SYNE1: variants seen among roughly 807,000 people sequenced by gnomAD.
SYNE1 encodes the protein nesprin-1.
In SYNE1, 616 loss-of-function variants were observed where a neutral mutation model predicts 1,111.0. That is an observed-to-expected ratio of 0.55 (90% CI 0.52 to 0.59). The LOEUF is 0.59. Ranked by LOEUF, SYNE1 falls within the 20% of genes least tolerant of loss-of-function variation. SYNE1 has a pLI of 0.00. For synonymous variants in SYNE1, 3,855 were observed against 3,825.8 expected, an observed-to-expected ratio of 1.01 and a Z score of -0.28; for missense variants, 10,006 against 10,417.0, an observed-to-expected ratio of 0.96 and a Z score of 1.72.
intron 62 of SYNE1, chr6:152,366,847 T>C (rs2097090616): frequency 8.0e-6 from 3 of 376,842 alleles, no homozygotes; most frequent in South Asian, 6.3e-5. Flanking sequence ...GGGAGGAGAA[T>C]TGGCTAAATA....
Position 152,180,226 on chromosome 6 carries a change from CT to C in SYNE1, c.23369del (p.Lys7790ArgfsTer7). ...TTTGAGTCAACCACTCACAGAGTTC[CT>C]TGTTCTTTTCACTGAAGACTGCCCA... is the stretch of plus-strand genomic sequence containing the variant. ...NEWAVFSEKNKELCEWLTQME... is the reference protein window; with the variant it reads ...NEWAVFSEKNXELCEWLTQME... On this transcript the variant is annotated frameshift_variant, in exon 129 of 146. Coordinates refer to ENST00000367255, the MANE Select transcript of SYNE1 (RefSeq NM_182961.4). LOFTEE classifies it high-confidence loss of function. 6.2e-7 allele frequency: 1 copy of C among 1,614,090 alleles called. No homozygotes were observed. Among genetic ancestry groups the C allele is most frequent in the Non-Finnish European group, 8.5e-7 (1 of 1,179,982 alleles).
chr6:152,620,554 T>C (rs1457457467), intron 3 of SYNE1, among the ~76,000 whole-genome samples: 1 of 152,178 alleles, frequency 6.6e-6, no homozygotes, highest in Non-Finnish European at 1.5e-5. Flanking sequence ...TTTTCTTTAT[T>C]TCAAAACTAA....
chr6:152,331,826 C>T lies in SYNE1; in HGVS notation c.12859G>A (p.Glu4287Lys), dbSNP rs536280261. The stretch of plus-strand genomic sequence containing the variant: ...AGATCTTCAATAGCATACTTTCTCT[C>T]CTGCAATGCCAATGCTAACTTTTTC... ...ALKKLALALQERKYAIEDLKD... is the reference protein window; with the variant it reads ...ALKKLALALQKRKYAIEDLKD... Residue 4287 changes from glutamate to lysine, a missense_variant, in exon 78 of 146, where the codon GAG becomes AAG. Physicochemically the swap from Glu to Lys is moderately conservative, Grantham distance 56 (BLOSUM62 1). This residue lies in a region of SYNE1 where 4,955 missense variants were observed against 5,017.2 expected (regional missense o/e 0.99). Transcript: ENST00000367255. 6.2e-7 allele frequency: 1 copy of T among 1,614,076 alleles called. No individual in the cohort carries two copies. The highest frequency in any genetic ancestry group is 1.1e-5 in the South Asian group (1 of 91,076).
At chr6:152,346,872 A>G (rs1291709581) in intron 73 of SYNE1, among the ~76,000 whole-genome samples, 187 bp downstream of exon 73, 2 of 152,230 alleles carry the variant, frequency 1.3e-5, no homozygotes, top group East Asian at 3.8e-4. Context: ...CACATCAATC[A>G]AATACAAAAT....
intron 58 of SYNE1, among the ~76,000 whole-genome samples, chr6:152,373,851 G>T (rs1337464269): frequency 6.6e-6 from 1 of 152,166 alleles, no homozygotes; most frequent in Non-Finnish European, 1.5e-5. Context: ...CAAATGCCTT[G>T]TAGTTCCATA....
chr6:152,234,090 A>C, intron 111 of SYNE1, 127 bp from the exon 112 acceptor site: 1 of 992,722 alleles, frequency 1.0e-6, no homozygotes, highest in Non-Finnish European at 1.5e-6. Flanking sequence ...GAACACTCAA[A>C]AGAAAATGAA....
chr6:152,218,151 C>A, intron 121 of SYNE1, 106 bp downstream of exon 121: 9 of 1,345,094 alleles, frequency 6.7e-6, no homozygotes, highest in Non-Finnish European at 9.5e-6. Context: ...GAGATCACAC[C>A]ACGGCACTCC....
chr6:152,348,551 G>A (rs2096681713), intron 72 of SYNE1, among the ~76,000 whole-genome samples: 1 of 152,068 alleles, frequency 6.6e-6, no homozygotes, highest in Non-Finnish European at 1.5e-5. Context: ...CGGGCATGGT[G>A]GAGGGCACCT....
At chr6:152,549,470 G>A (rs989698435) in intron 3 of SYNE1, among the ~76,000 whole-genome samples, 2 of 152,084 alleles carry the variant, frequency 1.3e-5, no homozygotes, top group Non-Finnish European at 2.9e-5. Context: ...GAGTGGAGGG[G>A]TCCTTCTCCT....
At chr6:152,591,856 C>T (rs1314644963) in intron 3 of SYNE1, among the ~76,000 whole-genome samples, 1 of 151,900 alleles carries the variant, frequency 6.6e-6, no homozygotes, top group Non-Finnish European at 1.5e-5. Context: ...AAAAAATGGG[C>T]AAAAATCATG....
At chr6:152,333,235 G>A (rs1472819164) in intron 77 of SYNE1, among the ~76,000 whole-genome samples, 1 of 151,958 alleles carries the variant, frequency 6.6e-6, no homozygotes, top group Non-Finnish European at 1.5e-5. Context: ...AAGCTAAGAG[G>A]GGTTCAATAA....
chr6:152,232,777 C>T (rs775277409), intron 112 of SYNE1, among the ~76,000 whole-genome samples: 1 of 152,312 alleles, frequency 6.6e-6, no homozygotes, highest in Middle Eastern at 3.4e-3. Flanking sequence ...ACACTACTTA[C>T]AATTCGAAAT....
intron 143 of SYNE1, among the ~76,000 whole-genome samples, chr6:152,132,848 T>A (rs900272967): frequency 1.0e-4 from 15 of 150,566 alleles, no homozygotes; most frequent in African/African-American, 3.4e-4. Flanking sequence ...TATAAAAAAT[T>A]AAATGAGCAG....
At chr6:152,578,989 T>C (rs1416658314) in intron 3 of SYNE1, among the ~76,000 whole-genome samples, 6 of 152,204 alleles carry the variant, frequency 3.9e-5, no homozygotes, top group Non-Finnish European at 7.3e-5. Flanking sequence ...AACCAAGAAA[T>C]GCAAATCTAT....
chr6:152,568,002 G>A (rs1025897500), intron 3 of SYNE1, among the ~76,000 whole-genome samples: 1 of 151,826 alleles, frequency 6.6e-6, no homozygotes, highest in Non-Finnish European at 1.5e-5. Flanking sequence ...GAAAACTAGA[G>A]GGCAAATGAA....
In SYNE1 at chr6:152,350,830, A is replaced by C; in HGVS notation, c.11581-60T>G. 4 of 1,597,786 alleles carry C rather than the reference A, an allele frequency of 2.5e-6. No individual in the cohort carries two copies. In the East Asian group the frequency reaches 6.7e-5, roughly 27 times the overall value. The stretch of plus-strand genomic sequence containing the variant: ...ATCTCCGTGGACAAGATGAATACAT[A>C]CATATTCCCATGGTATGCAAGAGAT... On this transcript the variant is annotated intron_variant, in intron 70 of 145. Coordinates refer to ENST00000367255, the MANE Select transcript of SYNE1 (RefSeq NM_182961.4).
At chr6:152,375,677 G>A (rs975817365) in intron 58 of SYNE1, among the ~76,000 whole-genome samples, 1 of 152,188 alleles carries the variant, frequency 6.6e-6, no homozygotes, top group African/African-American at 2.4e-5. Flanking sequence ...TGACCTCACT[G>A]ACGCTTTTAC....
intron 105 of SYNE1, among the ~76,000 whole-genome samples, chr6:152,247,427 T>G (rs2087512695): frequency 6.6e-6 from 1 of 152,106 alleles, no homozygotes; most frequent in Non-Finnish European, 1.5e-5. Flanking sequence ...TAATTCATAT[T>G]AGAAATCCAA....
At chr6:152,361,860 AAGGAAGACT>A (rs1057243779) in intron 64 of SYNE1, among the ~76,000 whole-genome samples, 4 of 151,816 alleles carry the variant, frequency 2.6e-5, no homozygotes, top group African/African-American at 9.7e-5. Flanking sequence ...AAAAAAAAAA[AAGGAAGACT>A]TCCTAATGAT....
Sources: allele counts gnomAD v4.1 joint callset (sites outside exome capture counted in the v4.1 genomes callset), GRCh38; gene constraint gnomAD v4.1.1; regional missense constraint gnomAD v4.1.1; transcripts MANE v1.5; gene names NCBI Gene and HGNC (gene_info 2026-07-23, HGNC 2026-07-21).